Variants in ZEB1 observed in about 807,000 individuals in gnomAD.
ZEB1 encodes zinc finger E-box binding homeobox 1, also known as zinc finger E-box-binding homeobox 1.
ZEB1 carries 21 observed loss-of-function variants against 84.9 expected under a neutral mutation model. The observed-to-expected ratio is 0.25, with a 90% CI of 0.18 to 0.36. The LOEUF is 0.36. ZEB1 is among the 10% of genes least tolerant of loss of function. ZEB1 has a pLI of 1.00. For missense variants in ZEB1, 1,104 were observed against 1,330.2 expected (o/e 0.83, Z 2.65); for synonymous variants, 420 against 471.1 (o/e 0.89, Z 1.41).
intron 3 of ZEB1, among the ~76,000 whole-genome samples, chr10:31,498,203 CA>C (rs2067557797): frequency 6.6e-6 from 1 of 151,940 alleles, no homozygotes; most frequent in Non-Finnish European, 1.5e-5. Context: ...GTGCATTTCC[CA>C]ACACTTTAAA....
intron 1 of ZEB1, among the ~76,000 whole-genome samples, chr10:31,401,975 CAGA>C (rs750559684): frequency 2.0e-5 from 3 of 151,196 alleles, no homozygotes; most frequent in Admixed American, 6.6e-5. Context: ...TTAGAGAAAA[CAGA>C]AGAAGAAAAA....
chr10:31,396,422 A>G (rs573052758), intron 1 of ZEB1, among the ~76,000 whole-genome samples: 5 of 152,360 alleles, frequency 3.3e-5, no homozygotes, highest in African/African-American at 1.2e-4. Flanking sequence ...TGGCTACAAT[A>G]TCAAAAAAGA....
chr10:31,525,509 C>T (rs2073258284), intron 8 of ZEB1, among the ~76,000 whole-genome samples: 1 of 152,152 alleles, frequency 6.6e-6, no homozygotes, highest in Admixed American at 6.5e-5. Context: ...AAACTGGCTC[C>T]AGCACACTCC....
intron 2 of ZEB1, among the ~76,000 whole-genome samples, chr10:31,488,731 T>G (rs1041667693): frequency 9.9e-5 from 15 of 151,214 alleles, no homozygotes; most frequent in African/African-American, 2.9e-4. Context: ...TTTATTTCCC[T>G]TTTTGATCCA....
chr10:31,454,122 C>T (rs1183023308), intron 1 of ZEB1, among the ~76,000 whole-genome samples: 2 of 152,078 alleles, frequency 1.3e-5, no homozygotes, highest in African/African-American at 2.4e-5. Context: ...AATCAACAAA[C>T]GTAATCCATT....
intron 2 of ZEB1, among the ~76,000 whole-genome samples, chr10:31,493,288 AT>A (rs2066802321): frequency 6.6e-6 from 1 of 151,948 alleles, no homozygotes; most frequent in Admixed American, 6.6e-5. Flanking sequence ...GCTTGTATCA[AT>A]AGTTTGTTCT....
chr10:31,526,668 G>T lies in ZEB1; in HGVS notation c.2786-4G>T. 1.2e-6 allele frequency: 2 copies of T among 1,613,324 alleles called. No individual in the cohort carries two copies. Among genetic ancestry groups the T allele is most frequent in the Non-Finnish European group, 1.7e-6 (2 of 1,179,946 alleles). ...TTTTATTTAACAGAATTCTTATTTTGCAGGTAAAAGACCTCATGAGTGTGG... is the reference window on the plus strand; with the variant it reads ...TTTTATTTAACAGAATTCTTATTTTTCAGGTAAAAGACCTCATGAGTGTGG... On this transcript the variant is annotated splice_polypyrimidine_tract_variant and splice_region_variant and intron_variant, in intron 8 of 8. Transcript: ENST00000424869.
Position 31,400,501 on chromosome 10 carries a change from AGT to A in ZEB1, c.59-60532_59-60531del, listed in dbSNP as rs2051759942. Among the ~76,000 whole-genome samples the A allele has an allele frequency of 9.2e-5, 14 of 152,158 alleles. No homozygotes were observed. In the South Asian group the frequency reaches 2.9e-3, roughly 32 times the overall value. The stretch of plus-strand genomic sequence containing the variant: ...CTTTGACCATTTATTCTATTTTTAA[AGT>A]GTGGAATACTAAAAAAAAATATTAT... On this transcript the variant is annotated intron_variant, in intron 1 of 8. Coordinates refer to ENST00000424869, the MANE Select transcript of ZEB1 (RefSeq NM_001174096.2).
intron 1 of ZEB1, among the ~76,000 whole-genome samples, chr10:31,393,940 C>T (rs1194844377): frequency 6.6e-6 from 1 of 152,140 alleles, no homozygotes; most frequent in Non-Finnish European, 1.5e-5. Context: ...CTACCTGCCA[C>T]GTCCTTGTAT....
chr10:31,390,746 G>C (rs545164434), intron 1 of ZEB1, among the ~76,000 whole-genome samples: 2 of 152,108 alleles, frequency 1.3e-5, no homozygotes, highest in Non-Finnish European at 2.9e-5. Context: ...GGCTTACTTC[G>C]TTACAAGTAT....
intron 2 of ZEB1, among the ~76,000 whole-genome samples, chr10:31,478,182 A>G (rs1230901139): frequency 6.6e-6 from 1 of 152,044 alleles, no homozygotes; most frequent in African/African-American, 2.4e-5. Context: ...ACCCCATTAA[A>G]TATTGGTCAA....
chr10:31,343,206 A>C (rs747462963), intron 1 of ZEB1, among the ~76,000 whole-genome samples: 13 of 152,112 alleles, frequency 8.5e-5, no homozygotes, highest in Non-Finnish European at 1.9e-4. Context: ...GCACAGGAAA[A>C]AGTTTATTCA....
chr10:31,523,793 G>A (rs753316914), intron 7 of ZEB1, 140 bp from the exon 8 acceptor site: 6 of 938,618 alleles, frequency 6.4e-6, no homozygotes, highest in Non-Finnish European at 9.7e-6. Context: ...GTGCAGTGAA[G>A]ATCAGTGTGC....
At position 31,389,681 on chromosome 10, in the gene ZEB1, A is replaced by T. The variant is rs966258192; in HGVS notation, c.58+70389A>T. 5.3e-5 allele frequency: 8 copies of T among 152,274 alleles called. 1 individual carries two copies. The South Asian group carries it at 1.7e-3, about 32-fold the overall frequency. 9.4% of individuals were successfully genotyped at this position (152,274 alleles called of 1,614,324 possible). ...ATATGGTACAAAGATAATTCGAGCC[A>T]TAAATAGAAGCTACGTATGTAATTT... On this transcript the variant is annotated intron_variant, in intron 1 of 8. Transcript: ENST00000424869.
chr10:31,428,208 A>G (rs549731389), intron 1 of ZEB1, among the ~76,000 whole-genome samples: 6 of 152,300 alleles, frequency 3.9e-5, no homozygotes, highest in African/African-American at 1.4e-4. Context: ...TTGGTGCTAT[A>G]AATCTCCCTC....
intron 2 of ZEB1, among the ~76,000 whole-genome samples, chr10:31,485,379 A>T (rs1013569513): frequency 1.3e-5 from 2 of 151,836 alleles, no homozygotes; most frequent in African/African-American, 4.8e-5. Flanking sequence ...CCCAAAGTCT[A>T]CTCACGGACC....
At chr10:31,443,747 A>AT (rs1473106958) in intron 1 of ZEB1, among the ~76,000 whole-genome samples, 18 of 149,504 alleles carry the variant, frequency 1.2e-4, no homozygotes, top group Non-Finnish European at 2.2e-4. Flanking sequence ...TGAACTCATC[A>AT]TTTTTTATCG....
At chr10:31,457,346 T>C (rs1196614482) in intron 1 of ZEB1, among the ~76,000 whole-genome samples, 2 of 152,092 alleles carry the variant, frequency 1.3e-5, no homozygotes, top group African/African-American at 4.8e-5. Flanking sequence ...AAATGATAGA[T>C]TCAGAAATAC....
chr10:31,320,785 A>G (rs1309451067), intron 1 of ZEB1: 1 of 151,760 alleles, frequency 6.6e-6, no homozygotes, highest in African/African-American at 2.4e-5. Flanking sequence ...GCTGATTGTT[A>G]TTGTCTGGAC....
Sources: allele counts gnomAD v4.1 joint callset (sites outside exome capture counted in the v4.1 genomes callset), GRCh38; gene constraint gnomAD v4.1.1; transcripts MANE v1.5; gene names NCBI Gene and HGNC (gene_info 2026-07-23, HGNC 2026-07-21).